The following CREB1 variants were observed in gnomAD, a reference collection of about 807,000 sequenced individuals.
CREB1 encodes cAMP responsive element binding protein 1, also known as cyclic AMP-responsive element-binding protein 1.
CREB1 carries 2 observed loss-of-function variants against 42.0 expected under a neutral mutation model. That is an observed-to-expected ratio of 0.05 (90% CI 0.02 to 0.15). The LOEUF is 0.15. Among genes scored for constraint, CREB1 ranks in the 10% least tolerant of loss-of-function variants. The pLI is 1.00. For synonymous variants in CREB1, 123 were observed against 139.9 expected (o/e 0.88, Z 0.85); for missense variants, 199 against 388.9 (o/e 0.51, Z 4.11).
At chr2:207,560,080 A>G (rs1454898723) in intron 2 of CREB1, 146 bp from the exon 3 acceptor site, 3 of 639,630 alleles carry the variant, frequency 4.7e-6, no homozygotes, top group East Asian at 2.7e-5. Context: ...AAAGAATATT[A>G]AATTTAGTCA....
At chr2:207,548,709 C>T (rs2081388322) in intron 1 of CREB1, among the ~76,000 whole-genome samples, 2 of 152,090 alleles carry the variant, frequency 1.3e-5, no homozygotes, top group South Asian at 4.1e-4. Flanking sequence ...CGAGATCACT[C>T]CATTGCACTC....
intron 7 of CREB1, among the ~76,000 whole-genome samples, chr2:207,579,246 T>G (rs2082733014): frequency 6.6e-6 from 1 of 152,176 alleles, no homozygotes; most frequent in African/African-American, 2.4e-5. Flanking sequence ...TTAAAAATGT[T>G]TATAAGGAAA....
In CREB1 at chr2:207,602,651, T is replaced by A. The variant is rs952436377; in HGVS notation, c.*5593T>A. ...AAGTGAAATGATCTATCATTGTGTTTGGGAGGTTTTATTTTCTTATGTTTT... is the reference window on the plus strand; with the variant it reads ...AAGTGAAATGATCTATCATTGTGTTAGGGAGGTTTTATTTTCTTATGTTTT... On this transcript the variant is annotated 3_prime_UTR_variant, in exon 8 of 8. Coordinates refer to ENST00000353267, the MANE Select transcript of CREB1 (RefSeq NM_004379.5). 9.5e-6 allele frequency: 2 copies of A among 211,302 alleles called. No homozygotes were observed. The highest frequency in any genetic ancestry group is 5.9e-5 in the Admixed American group (1 of 17,008). 13.1% of individuals were successfully genotyped at this position (211,302 alleles called of 1,614,324 possible).
chr2:207,582,985 TTATA>T (rs1199807644), intron 7 of CREB1: 1 of 155,022 alleles, frequency 6.5e-6, no homozygotes, highest in East Asian at 1.9e-4. Flanking sequence ...TTCTGTATCT[TTATA>T]TATAGTTGGC....
intron 1 of CREB1, among the ~76,000 whole-genome samples, chr2:207,544,172 G>A (rs1487473160): frequency 1.3e-5 from 2 of 152,140 alleles, no homozygotes; most frequent in Non-Finnish European, 2.9e-5. Context: ...CTCCCAAAGT[G>A]CTGGGATTAC....
chr2:207,601,576 T>C lies in CREB1; in HGVS notation c.*4518T>C, dbSNP rs1004144518. 39 of 204,610 alleles carry C rather than the reference T, an allele frequency of 1.9e-4. No homozygotes were observed. The highest frequency in any genetic ancestry group is 1.0e-5 in the Non-Finnish European group (1 of 100,024). The allele number at this position is 204,610 out of a possible 1,614,324, so 12.7% of individuals were successfully genotyped here. A position where few individuals can be genotyped will look rare whatever the true frequency, so the allele number is the denominator to read the frequency against. ...ATTTATTTTCAATTTTTAATGAGACTTTATCCTCATCACAACATTAATACT... is the reference window on the plus strand; with the variant it reads ...ATTTATTTTCAATTTTTAATGAGACCTTATCCTCATCACAACATTAATACT... On this transcript the variant is annotated 3_prime_UTR_variant, in exon 8 of 8. Transcript: ENST00000353267.
Position 207,541,608 on chromosome 2 carries a change from A to G in CREB1, c.-9+11474A>G, listed in dbSNP as rs1297979825. On this transcript the variant is annotated intron_variant, in intron 1 of 7. Coordinates refer to ENST00000353267, the MANE Select transcript of CREB1 (RefSeq NM_004379.5). ...ACTAATGATGCATTTCTCAGAACAT[A>G]TTACCATCAAGTGACACATGACTGT... Among the ~76,000 whole-genome samples, 30 of 152,244 alleles carry G rather than the reference A, an allele frequency of 2.0e-4. 1 individual carries two copies. The highest frequency in any genetic ancestry group is 2.0e-3 in the Admixed American group (30 of 15,280).
chr2:207,530,970 CTT>C (rs777124719), intron 1 of CREB1, among the ~76,000 whole-genome samples: 32 of 135,038 alleles, frequency 2.4e-4, no homozygotes, highest in Non-Finnish European at 3.7e-4. Flanking sequence ...CACCCCTTTG[CTT>C]TTTTTTTTTT....
In CREB1 at chr2:207,590,494, G is replaced by A. The variant is rs896010701; in HGVS notation, c.840-6420G>A. ...TTGTTATTTTCTCCTGCTTGCTTTG[G>A]TTTTTTTAGTTGTTCTCTTTCTAGT... On this transcript the variant is annotated intron_variant, in intron 7 of 7. Transcript: ENST00000353267. Among the ~76,000 whole-genome samples, 115 of 151,058 alleles carry A rather than the reference G, an allele frequency of 7.6e-4. 1 individual carries two copies. The highest frequency in any genetic ancestry group is 2.7e-4 in the Non-Finnish European group (18 of 67,746).
intron 1 of CREB1, among the ~76,000 whole-genome samples, chr2:207,530,413 C>T (rs1163799207): frequency 3.1e-4 from 41 of 132,114 alleles, no homozygotes; most frequent in African/African-American, 8.5e-4. Flanking sequence ...GGGCGGCGGG[C>T]GGGGTGGGAG....
intron 1 of CREB1, among the ~76,000 whole-genome samples, chr2:207,540,299 G>A (rs1315763569): frequency 6.6e-6 from 1 of 152,190 alleles, no homozygotes; most frequent in East Asian, 1.9e-4. Flanking sequence ...TGACAATCTT[G>A]ACCCTGTGTA....
rs535099030 is a variant in CREB1, at chr2:207,560,155, T to C, written c.115-71T>C. 56 of 1,381,308 alleles carry C rather than the reference T, an allele frequency of 4.1e-5. 1 individual carries two copies. In the South Asian group the frequency reaches 8.8e-4, roughly 22 times the overall value. The allele number at this position is 1,381,308 out of a possible 1,614,324, so 85.6% of individuals were successfully genotyped here. A position where few individuals can be genotyped will look rare whatever the true frequency, so the allele number is the denominator to read the frequency against. ...TCACGTTTTTGCTTCTAAAAAGTTATTTCATATTGAACATGAGTACTGCCA... is the reference window on the plus strand; with the variant it reads ...TCACGTTTTTGCTTCTAAAAAGTTACTTCATATTGAACATGAGTACTGCCA... On this transcript the variant is annotated intron_variant, in intron 2 of 7. Transcript: ENST00000353267.
intron 1 of CREB1, among the ~76,000 whole-genome samples, chr2:207,551,121 T>C (rs987577667): frequency 2.0e-5 from 3 of 152,228 alleles, no homozygotes; most frequent in South Asian, 2.1e-4. Flanking sequence ...CCAAAACTTA[T>C]CAATACTGTA....
intron 1 of CREB1, among the ~76,000 whole-genome samples, chr2:207,555,166 T>G (rs530091967): frequency 1.3e-4 from 20 of 152,320 alleles, no homozygotes; most frequent in Non-Finnish European, 2.2e-4. Context: ...TTCTTCCTTC[T>G]TATGGGGGGA....
intron 5 of CREB1, among the ~76,000 whole-genome samples, chr2:207,573,348 A>G (rs892650175): frequency 1.3e-5 from 2 of 152,266 alleles, no homozygotes; most frequent in African/African-American, 2.4e-5. Flanking sequence ...GTATTTTCAT[A>G]TACATGACCT....
chr2:207,561,153 G>A (rs1335378612), intron 3 of CREB1: 2 of 1,612,528 alleles, frequency 1.2e-6, no homozygotes. Context: ...CTTTTCTCCG[G>A]AACACAGGTG....
At chr2:207,572,718 A>G (rs534310542) in intron 5 of CREB1, among the ~76,000 whole-genome samples, 68 of 152,174 alleles carry the variant, frequency 4.5e-4, no homozygotes, top group African/African-American at 1.6e-3. Flanking sequence ...CGGGAGGCTG[A>G]GGCAGGAGAA....
At chr2:207,571,966 C>T (rs1434853333) in intron 5 of CREB1, among the ~76,000 whole-genome samples, 2 of 152,156 alleles carry the variant, frequency 1.3e-5, no homozygotes, top group African/African-American at 2.4e-5. Flanking sequence ...CCGTGGCTCT[C>T]GCCTGTAATC....
chr2:207,534,298 G>A (rs890865587), intron 1 of CREB1, among the ~76,000 whole-genome samples: 7 of 152,128 alleles, frequency 4.6e-5, no homozygotes, highest in Non-Finnish European at 1.0e-4. Context: ...GTGCAGTGAT[G>A]CAGTCTCAGC....
Sources: allele counts gnomAD v4.1 joint callset (sites outside exome capture counted in the v4.1 genomes callset), GRCh38; gene constraint gnomAD v4.1.1; transcripts MANE v1.5; gene names NCBI Gene and HGNC (gene_info 2026-07-23, HGNC 2026-07-21).